The following CCL26 variants were observed in gnomAD, a reference collection of about 807,000 sequenced individuals.
CCL26 encodes the protein C-C motif chemokine ligand 26.
In CCL26, 10 loss-of-function variants were observed where a neutral mutation model predicts 10.7. That is an observed-to-expected ratio of 0.93 (90% confidence interval 0.57 to 1.58). The LOEUF is 1.58. CCL26 is among the 40% of genes most tolerant of loss of function. CCL26 has a pLI of 0.00. For synonymous variants in CCL26, 43 were observed against 41.4 expected (o/e 1.04, Z -0.15); for missense variants, 116 against 111.0 (o/e 1.05, Z -0.20).
intron 2 of CCL26, among the ~76,000 whole-genome samples, chr7:75,770,713 G>A (rs1194200671): frequency 5.3e-5 from 8 of 151,880 alleles, no homozygotes; most frequent in African/African-American, 1.9e-4. Flanking sequence ...TTTCTCTCTT[G>A]TCACCCAGGC....
upstream of CCL26, among the ~76,000 whole-genome samples, chr7:75,790,178 C>CCTTCCTTTCTTTCTTTCTTTCTTT (rs60788546): frequency 4.1e-4 from 18 of 44,340 alleles, no homozygotes; most frequent in Admixed American, 1.8e-3. Flanking sequence ...TTCCTTCCTT[C>CCTTCCTTTCTTTCTTTCTTTCTTT]CTTTCTTTCT....
chr7:75,781,304 A>C (rs1389643654), intron 1 of CCL26, among the ~76,000 whole-genome samples: 1 of 152,234 alleles, frequency 6.6e-6, no homozygotes, highest in Non-Finnish European at 1.5e-5. Flanking sequence ...CTGAGTTGCA[A>C]TTCCTTGCCT....
intron 1 of CCL26, among the ~76,000 whole-genome samples, chr7:75,789,391 T>C (rs79573063): frequency 0.016 from 2,482 of 151,810 alleles, 41 homozygotes; most frequent in South Asian, 0.069. Flanking sequence ...CCCTCCTTCC[T>C]TGAGATGAGA....
upstream of CCL26, among the ~76,000 whole-genome samples, chr7:75,776,300 G>T (rs13233207): frequency 6.6e-6 from 1 of 151,510 alleles, no homozygotes; most frequent in Non-Finnish European, 1.5e-5. Flanking sequence ...TTGAACTCCT[G>T]AGCTCAGGTG....
At chr7:75,776,420 A>G (rs562131590), upstream of CCL26, among the ~76,000 whole-genome samples, 1 of 151,584 alleles carries the variant, frequency 6.6e-6, no homozygotes, top group South Asian at 2.1e-4. Context: ...TCACTCCTGT[A>G]ATCCTAGCAC....
At chr7:75,772,575 T>G (rs782600790), upstream of CCL26, among the ~76,000 whole-genome samples, 29 of 151,242 alleles carry the variant, frequency 1.9e-4, no homozygotes, top group Non-Finnish European at 3.8e-4. Flanking sequence ...GAGAATCACT[T>G]GAACCTGGGA....
chr7:75,783,574 C>T (rs888274296), intron 1 of CCL26, among the ~76,000 whole-genome samples: 11 of 152,030 alleles, frequency 7.2e-5, no homozygotes, highest in Non-Finnish European at 8.8e-5. Context: ...CCGAGGTGGG[C>T]GGATCACGAG....
At chr7:75,783,595 C>T (rs1396319967) in intron 1 of CCL26, among the ~76,000 whole-genome samples, 2 of 151,852 alleles carry the variant, frequency 1.3e-5, no homozygotes, top group Non-Finnish European at 2.9e-5. Context: ...GTCAGGAGAT[C>T]GAGACTACGG....
chr7:75,770,567 G>A (rs1286722094), intron 2 of CCL26, among the ~76,000 whole-genome samples: 1 of 151,530 alleles, frequency 6.6e-6, no homozygotes, highest in Non-Finnish European at 1.5e-5. Context: ...TTTTAGTAGA[G>A]ACAGGGTTTC....
At chr7:75,770,817 A>G (rs1253635469) in intron 2 of CCL26, among the ~76,000 whole-genome samples, 1 of 152,154 alleles carries the variant, frequency 6.6e-6, no homozygotes, top group Non-Finnish European at 1.5e-5. Context: ...CTGGGCTTAC[A>G]GGCCTGCGCC....
rs564315683 is a variant in CCL26, at chr7:75,770,837, G to T, written c.189-1048C>A. Among the ~76,000 whole-genome samples the T allele has an allele frequency of 6.0e-4, 92 of 152,202 alleles. 1 individual carries two copies. The highest frequency in any genetic ancestry group is 2.2e-3 in the African/African-American group (90 of 41,540). The stretch of plus-strand genomic sequence containing the variant: ...CTTACAGGCCTGCGCCACCTCACCT[G>T]GCTGATTCTTTCATTGTAATAGAAC... On this transcript the variant is annotated intron_variant, in intron 2 of 2. Coordinates refer to ENST00000005180, the MANE Select transcript of CCL26 (RefSeq NM_001371938.1).
At chr7:75,777,829 T>C (rs1802976575) in intron 1 of CCL26, among the ~76,000 whole-genome samples, 1 of 150,976 alleles carries the variant, frequency 6.6e-6, no homozygotes, top group African/African-American at 2.4e-5. Flanking sequence ...TAATCTTTTT[T>C]TTTTTTTTGA....
At chr7:75,779,643 C>T (rs546816873) in intron 1 of CCL26, among the ~76,000 whole-genome samples, 2 of 152,318 alleles carry the variant, frequency 1.3e-5, no homozygotes, top group Non-Finnish European at 2.9e-5. Context: ...GTCATGGACT[C>T]GGGAAGACAG....
At chr7:75,778,357 G>T (rs1232050376) in intron 1 of CCL26, among the ~76,000 whole-genome samples, 1 of 151,360 alleles carries the variant, frequency 6.6e-6, no homozygotes, top group Admixed American at 6.6e-5. Flanking sequence ...GAGTAGCTGG[G>T]ACTACAGGTG....
upstream of CCL26, among the ~76,000 whole-genome samples, chr7:75,790,157 C>CCCTTCCTTCCTT (rs1554530598): frequency 8.3e-3 from 540 of 65,430 alleles, 19 homozygotes; most frequent in South Asian, 0.016. Context: ...CTGTCTCTCT[C>CCCTTCCTTCCTT]CCTTCCTTCC....
At chr7:75,779,779 A>G (rs901735165) in intron 1 of CCL26, among the ~76,000 whole-genome samples, 11 of 152,170 alleles carry the variant, frequency 7.2e-5, no homozygotes, top group Admixed American at 3.3e-4. Context: ...TGGCAAGTCA[A>G]TTGCAGGGAC....
At chr7:75,788,554 C>T (rs1003276207) in intron 1 of CCL26, among the ~76,000 whole-genome samples, 2 of 151,956 alleles carry the variant, frequency 1.3e-5, no homozygotes, top group South Asian at 2.1e-4. Context: ...TTCACATGGA[C>T]GCGAGTGAAA....
At chr7:75,789,096 A>ATT (rs527793902) in intron 1 of CCL26, among the ~76,000 whole-genome samples, 11,485 of 110,754 alleles carry the variant, frequency 0.1, 835 homozygotes, top group East Asian at 0.22. Context: ...TCATTTTTTG[A>ATT]TTTTTTTTTT....
At chr7:75,786,958 C>G (rs891510766) in intron 1 of CCL26, among the ~76,000 whole-genome samples, 11 of 152,186 alleles carry the variant, frequency 7.2e-5, no homozygotes, top group Non-Finnish European at 1.6e-4. Context: ...GTTCCATCTG[C>G]TATTCTACTA....
Sources: allele counts gnomAD v4.1 joint callset (sites outside exome capture counted in the v4.1 genomes callset), GRCh38; gene constraint gnomAD v4.1.1; transcripts MANE v1.5; gene names NCBI Gene and HGNC (gene_info 2026-07-23, HGNC 2026-07-21).